Variants in CCDC158 observed in about 807,000 individuals in gnomAD.
CCDC158 encodes coiled-coil domain containing 158, also known as coiled-coil domain-containing protein 158.
In CCDC158, 116 loss-of-function variants were observed where a neutral mutation model predicts 138.6. The observed-to-expected ratio is 0.84, with a 90% CI of 0.72 to 0.98. CCDC158 has a LOEUF of 0.98. Ranked by LOEUF, CCDC158 falls within the 50% of genes least tolerant of loss-of-function variation. The pLI, the probability that CCDC158 is intolerant of heterozygous loss-of-function variation, is 0.00. For missense variants in CCDC158, 1,265 were observed against 1,306.1 expected (o/e 0.97, Z 0.48); for synonymous variants, 436 against 442.4 (o/e 0.99, Z 0.18).
chr4:76,333,496 C>T (rs1443816747), intron 19 of CCDC158, among the ~76,000 whole-genome samples: 1 of 152,126 alleles, frequency 6.6e-6, no homozygotes, highest in Non-Finnish European at 1.5e-5. Context: ...CTTTTTGGAT[C>T]TAATCTTTTA....
At chr4:76,399,146 T>G (rs1042057367) in intron 3 of CCDC158, among the ~76,000 whole-genome samples, 2 of 152,158 alleles carry the variant, frequency 1.3e-5, no homozygotes, top group Non-Finnish European at 2.9e-5. Flanking sequence ...AAGATACATA[T>G]TATAGGTATA....
chr4:76,371,294 A>G (rs1725212138), intron 10 of CCDC158, 123 bp downstream of exon 10: 2 of 890,310 alleles, frequency 2.2e-6, no homozygotes, highest in South Asian at 3.5e-5. Context: ...AAAATAATCT[A>G]TTGCATGTAT....
At chr4:76,347,327 C>A (rs1011416705) in intron 18 of CCDC158, among the ~76,000 whole-genome samples, 2 of 152,064 alleles carry the variant, frequency 1.3e-5, no homozygotes, top group African/African-American at 2.4e-5. Flanking sequence ...AGACTTTATC[C>A]AGTCTATCCA....
At chr4:76,319,475 T>A (rs1243571082) in intron 24 of CCDC158, among the ~76,000 whole-genome samples, 10 of 13,242 alleles carry the variant, frequency 7.6e-4, no homozygotes, top group East Asian at 2.5e-3. Flanking sequence ...AATATATATA[T>A]ATATATATAT....
intron 3 of CCDC158, among the ~76,000 whole-genome samples, chr4:76,398,938 A>G (rs1460941835): frequency 6.6e-6 from 1 of 152,164 alleles, no homozygotes; most frequent in African/African-American, 2.4e-5. Context: ...AGATTAGTAA[A>G]AATACCTAAG....
chr4:76,325,088 TA>T (rs1720400807), intron 23 of CCDC158, among the ~76,000 whole-genome samples: 3 of 152,120 alleles, frequency 2.0e-5, no homozygotes, highest in Non-Finnish European at 4.4e-5. Flanking sequence ...AAGAAGATAG[TA>T]AATGAATAGC....
chr4:76,396,166 GT>G (rs1727760207), intron 4 of CCDC158, 102 bp downstream of exon 4: 1 of 727,720 alleles, frequency 1.4e-6, no homozygotes, highest in Admixed American at 3.5e-5. Flanking sequence ...CCATTTGTTA[GT>G]TTTTTCTTCC....
At chr4:76,368,646 C>T (rs891445151) in intron 11 of CCDC158, among the ~76,000 whole-genome samples, 5 of 151,988 alleles carry the variant, frequency 3.3e-5, no homozygotes, top group Non-Finnish European at 7.4e-5. Flanking sequence ...GAGGGTGCAC[C>T]GGAATGGAAT....
intron 18 of CCDC158, among the ~76,000 whole-genome samples, chr4:76,340,961 T>C (rs1252849790): frequency 1.3e-5 from 2 of 152,084 alleles, no homozygotes; most frequent in African/African-American, 4.8e-5. Context: ...ATTTGCAGGG[T>C]AAAACTTGTA....
chr4:76,388,220 C>T (rs1330523111), intron 4 of CCDC158, among the ~76,000 whole-genome samples: 2 of 152,126 alleles, frequency 1.3e-5, no homozygotes, highest in Admixed American at 1.3e-4. Context: ...AAGACTTTGT[C>T]TTACACCCTA....
chr4:76,409,416 T>C (rs1264163928), intron 2 of CCDC158, among the ~76,000 whole-genome samples: 1 of 152,202 alleles, frequency 6.6e-6, no homozygotes, highest in Admixed American at 6.5e-5. Context: ...TTTAAATCTC[T>C]GAGTAAAATA....
chr4:76,397,722 A>C (rs916533222), intron 3 of CCDC158, among the ~76,000 whole-genome samples: 1 of 152,202 alleles, frequency 6.6e-6, no homozygotes, highest in African/African-American at 2.4e-5. Flanking sequence ...ATGGTATTGG[A>C]TTTGAATTTG....
intron 9 of CCDC158, among the ~76,000 whole-genome samples, chr4:76,378,381 T>C (rs917725591): frequency 6.6e-6 from 1 of 152,204 alleles, no homozygotes; most frequent in Admixed American, 6.5e-5. Context: ...CTGCTCCAAA[T>C]AGCTAAGGTG....
At chr4:76,404,882 C>CA (rs112265224) in intron 2 of CCDC158, among the ~76,000 whole-genome samples, 4,393 of 149,918 alleles carry the variant, frequency 0.029, 208 homozygotes, top group African/African-American at 0.1. Flanking sequence ...GAAAAGAAGA[C>CA]AAAAAAAAGG....
chr4:76,393,264 G>A (rs1035616046), intron 4 of CCDC158, among the ~76,000 whole-genome samples: 4 of 151,934 alleles, frequency 2.6e-5, no homozygotes, highest in Admixed American at 2.0e-4. Context: ...AGAACAGCAT[G>A]GTACTGGCAT....
At chr4:76,328,425 T>A (rs1428464736) in intron 22 of CCDC158, among the ~76,000 whole-genome samples, 1 of 152,142 alleles carries the variant, frequency 6.6e-6, no homozygotes, top group Non-Finnish European at 1.5e-5. Flanking sequence ...GCACTGGAAG[T>A]GTGGGAAAAT....
intron 18 of CCDC158, among the ~76,000 whole-genome samples, chr4:76,345,990 T>C (rs1159381768): frequency 1.3e-5 from 2 of 151,972 alleles, no homozygotes; most frequent in African/African-American, 2.4e-5. Context: ...ACTTCAACAA[T>C]ATAACAAGGC....
chr4:76,331,500 AG>A, intron 20 of CCDC158, 97 bp from the exon 21 acceptor site: 2 of 957,452 alleles, frequency 2.1e-6, no homozygotes, highest in East Asian at 4.8e-5. Context: ...ATTCTTATGT[AG>A]GGTGAAATGG....
chr4:76,375,194 T>G (rs1725600166), intron 9 of CCDC158: 1 of 211,134 alleles, frequency 4.7e-6, no homozygotes, highest in Non-Finnish European at 9.3e-6. Flanking sequence ...TTTTTTCTTT[T>G]TCTTTTATTT....
Sources: allele counts gnomAD v4.1 joint callset (sites outside exome capture counted in the v4.1 genomes callset), GRCh38; gene constraint gnomAD v4.1.1; transcripts MANE v1.5; gene names NCBI Gene and HGNC (gene_info 2026-07-23, HGNC 2026-07-21).